The following RIN2 variants were observed in gnomAD, a reference collection of about 807,000 sequenced individuals.
The protein encoded by RIN2 is RAB5 interacting protein 2.
A neutral mutation model predicts 78.0 loss-of-function variants in RIN2; 36 were observed. The observed-to-expected ratio is 0.46, with a 90% CI of 0.35 to 0.61. The LOEUF (loss-of-function observed/expected upper bound fraction) is 0.61, where lower values mean the gene tolerates loss of function less well. Among genes scored for constraint, RIN2 ranks in the 20% least tolerant of loss-of-function variants. The probability of loss-of-function intolerance (pLI) is 0.00; values close to 1 mark genes in which losing one functional copy is unlikely to be tolerated. For synonymous variants in RIN2, 466 were observed against 466.8 expected (o/e 1.00, Z 0.02); for missense variants, 1,087 against 1,159.7 (o/e 0.94, Z 0.91).
chr20:19,776,785 A>G (rs1015221133), intron 1 of RIN2, among the ~76,000 whole-genome samples: 3 of 152,032 alleles, frequency 2.0e-5, no homozygotes, highest in African/African-American at 7.2e-5. Context: ...CACAGCCTGG[A>G]AACCCCTTCC....
At chr20:19,769,488 G>A (rs1373269133) in intron 1 of RIN2, among the ~76,000 whole-genome samples, 2 of 152,190 alleles carry the variant, frequency 1.3e-5, no homozygotes, top group East Asian at 1.9e-4. Flanking sequence ...GTTCTGTGCC[G>A]TAGTCATCAT....
intron 2 of RIN2, among the ~76,000 whole-genome samples, chr20:19,817,674 T>A (rs6515041): frequency 6.6e-6 from 1 of 151,868 alleles, no homozygotes; most frequent in Admixed American, 6.6e-5. Flanking sequence ...AACTAAAGAC[T>A]GAAAAAGTCA....
In RIN2 at chr20:19,809,699, G is replaced by T. The variant is rs530959224; in HGVS notation, c.-37+9952G>T. ...GGGAGCTCCCGAAGCTACAGCCGAC[G>T]CTTCCTGTTCTGCCTGATCTCCACC... On this transcript the variant is annotated intron_variant, in intron 2 of 12. Transcript: ENST00000255006. 2.6e-5 allele frequency: 4 copies of T among 152,364 alleles called. No homozygotes were observed. The East Asian group carries it at 7.7e-4, about 29-fold the overall frequency. 9.4% of individuals were successfully genotyped at this position (152,364 alleles called of 1,614,324 possible). A position where few individuals can be genotyped will look rare whatever the true frequency, so the allele number is the denominator to read the frequency against.
chr20:19,967,035 C>G (rs1318319775), intron 7 of RIN2, among the ~76,000 whole-genome samples: 2 of 152,174 alleles, frequency 1.3e-5, no homozygotes, highest in Non-Finnish European at 2.9e-5. Flanking sequence ...GTGAAGCCAG[C>G]TGATATTTAC....
intron 1 of RIN2, among the ~76,000 whole-genome samples, chr20:19,764,917 C>CAT (rs2033803932): frequency 8.8e-6 from 1 of 114,154 alleles, no homozygotes; most frequent in African/African-American, 3.7e-5. Flanking sequence ...TCACTTTCTG[C>CAT]GTTTTTTTTT....
chr20:19,908,758 G>A (rs1026130701), intron 3 of RIN2, among the ~76,000 whole-genome samples: 5 of 152,220 alleles, frequency 3.3e-5, no homozygotes, highest in Admixed American at 6.5e-5. Flanking sequence ...CTTCCATTCT[G>A]TTCAGAGATT....
intron 8 of RIN2, among the ~76,000 whole-genome samples, chr20:19,973,251 A>G (rs998483479): frequency 3.3e-5 from 5 of 152,232 alleles, no homozygotes; most frequent in African/African-American, 1.2e-4. Context: ...CCTCGGTTGT[A>G]CTAGCCAACT....
intron 2 of RIN2, among the ~76,000 whole-genome samples, chr20:19,874,281 T>G (rs1430557848): frequency 6.6e-6 from 1 of 152,200 alleles, no homozygotes; most frequent in Admixed American, 6.5e-5. Flanking sequence ...TGGTTTTAAC[T>G]AGAAACACAC....
At chr20:19,898,514 A>C (rs2038839133) in intron 3 of RIN2, among the ~76,000 whole-genome samples, 1 of 152,230 alleles carries the variant, frequency 6.6e-6, no homozygotes, top group African/African-American at 2.4e-5. Flanking sequence ...TAAATAGTAA[A>C]ACTGGTTCAA....
intron 10 of RIN2, among the ~76,000 whole-genome samples, chr20:19,991,278 G>A (rs199605): frequency 0.29 from 43,718 of 152,034 alleles, 6,928 homozygotes; most frequent in Middle Eastern, 0.38. Flanking sequence ...TTCACATATA[G>A]GAAACATATT....
chr20:19,948,187 A>G (rs930775297), intron 4 of RIN2, among the ~76,000 whole-genome samples: 2 of 126,140 alleles, frequency 1.6e-5, no homozygotes, highest in Non-Finnish European at 3.7e-5. Context: ...CTGCTCGCAC[A>G]GACACACGGA....
chr20:19,760,731 A>G (rs781456344), intron 1 of RIN2, among the ~76,000 whole-genome samples: 1 of 152,182 alleles, frequency 6.6e-6, no homozygotes, highest in Non-Finnish European at 1.5e-5. Context: ...TCTCTGTATT[A>G]TAGTGCTTTG....
At chr20:19,904,852 T>C (rs2039149270) in intron 3 of RIN2, among the ~76,000 whole-genome samples, 1 of 152,060 alleles carries the variant, frequency 6.6e-6, no homozygotes, top group East Asian at 1.9e-4. Flanking sequence ...TTCCCTGGAG[T>C]CACTCAAAGG....
chr20:19,883,337 CTTTTTTTTTTTT>C (rs35438191), intron 2 of RIN2, among the ~76,000 whole-genome samples: 1 of 118,548 alleles, frequency 8.4e-6, no homozygotes. Context: ...AAAGAGAGGA[CTTTTTTTTTTTT>C]TTTTTTTTTA....
intron 4 of RIN2, among the ~76,000 whole-genome samples, chr20:19,938,642 C>T (rs1163926870): frequency 1.3e-5 from 2 of 152,138 alleles, no homozygotes; most frequent in African/African-American, 4.8e-5. Context: ...GGAATAATAA[C>T]AGAGTTACCT....
intron 3 of RIN2, among the ~76,000 whole-genome samples, chr20:19,910,731 G>T (rs2039428417): frequency 1.3e-5 from 2 of 150,872 alleles, no homozygotes; most frequent in African/African-American, 4.9e-5. Context: ...ACCACGCCCG[G>T]CTAATTTTGT....
At chr20:19,970,566 G>A (rs868459206) in intron 7 of RIN2, among the ~76,000 whole-genome samples, 6 of 152,060 alleles carry the variant, frequency 3.9e-5, no homozygotes, top group Admixed American at 1.3e-4. Flanking sequence ...CTCTACATAC[G>A]TTTTAGCTAC....
Position 19,758,337 on chromosome 20 carries a change from G to C in RIN2, c.-163+10G>C, listed in dbSNP as rs926468622. ...GGAGGGCCCGCGAGAGGTAAGGGGC[G>C]GTGGCAGCGGAGACCCCACCCCCTG... is the stretch of plus-strand genomic sequence containing the variant. On this transcript the variant is annotated intron_variant, in intron 1 of 12. Coordinates refer to ENST00000255006, the MANE Select transcript of RIN2 (RefSeq NM_018993.4). 1 of 152,268 alleles carries C rather than the reference G, an allele frequency of 6.6e-6. No homozygotes were observed. Among genetic ancestry groups the C allele is most frequent in the African/African-American group, 2.4e-5 (1 of 41,464 alleles). The allele number at this position is 152,268 out of a possible 1,614,324, so 9.4% of individuals were successfully genotyped here.
At chr20:19,999,424 C>T (rs1311275271) in intron 12 of RIN2, among the ~76,000 whole-genome samples, 1 of 152,202 alleles carries the variant, frequency 6.6e-6, no homozygotes, top group African/African-American at 2.4e-5. Context: ...CTGTCCTTCC[C>T]AAGAGCTTTC....
Sources: allele counts gnomAD v4.1 joint callset (sites outside exome capture counted in the v4.1 genomes callset), GRCh38; gene constraint gnomAD v4.1.1; transcripts MANE v1.5; gene names NCBI Gene and HGNC (gene_info 2026-07-23, HGNC 2026-07-21).